GMPR: variants seen among roughly 807,000 people sequenced by gnomAD.
The protein encoded by GMPR is guanosine monophosphate reductase.
In GMPR, 31 loss-of-function variants were observed where a neutral mutation model predicts 38.4. That is an observed-to-expected ratio of 0.81 (90% CI 0.61 to 1.09). GMPR has a LOEUF of 1.09. Ranked by LOEUF, GMPR falls within the 50% of genes least tolerant of loss-of-function variation. The pLI is 0.00. For synonymous variants in GMPR, 162 were observed against 173.3 expected, an observed-to-expected ratio of 0.93 and a Z score of 0.51; for missense variants, 468 against 453.7, an observed-to-expected ratio of 1.03 and a Z score of -0.29.
chr6:16,240,858 G>A (rs532692358), intron 1 of GMPR, among the ~76,000 whole-genome samples: 4 of 152,168 alleles, frequency 2.6e-5, no homozygotes, highest in South Asian at 2.1e-4. Context: ...TGCCAGCCAC[G>A]GGCCTGGAGA....
chr6:16,268,692 T>TC (rs1258072316), intron 4 of GMPR, among the ~76,000 whole-genome samples: 1 of 152,310 alleles, frequency 6.6e-6, no homozygotes, highest in Admixed American at 6.5e-5. Flanking sequence ...AAAGGATTTT[T>TC]CTTGCAAGAG....
intron 4 of GMPR, chr6:16,262,938 G>T (rs373221547): frequency 6.6e-6 from 1 of 152,032 alleles, no homozygotes; most frequent in African/African-American, 2.4e-5. Flanking sequence ...GTCACGGAAC[G>T]AAACTGTAAG....
At chr6:16,270,337 G>C (rs1427027510) in intron 4 of GMPR, among the ~76,000 whole-genome samples, 1 of 152,140 alleles carries the variant, frequency 6.6e-6, no homozygotes, top group Non-Finnish European at 1.5e-5. Context: ...CTTCCATGTT[G>C]TCATGGCTGC....
Position 16,295,240 on chromosome 6 carries a change from C to G in GMPR, c.*54C>G. ...AGTGGAAGCGTCCAAACCTGCTTTT[C>G]CCATCTCCCCCCAAGTCTGTTCCGT... On this transcript the variant is annotated 3_prime_UTR_variant, in exon 9 of 9. Transcript: ENST00000259727. The G allele has an allele frequency of 7.8e-7, 1 of 1,289,544 alleles. No homozygotes were observed. Among genetic ancestry groups the G allele is most frequent in the South Asian group, 1.6e-5 (1 of 62,790 alleles). The allele number at this position is 1,289,544 out of a possible 1,614,324, so 79.9% of individuals were successfully genotyped here. A position where few individuals can be genotyped will look rare whatever the true frequency, so the allele number is the denominator to read the frequency against.
chr6:16,266,918 G>GT (rs1435363077), intron 4 of GMPR, among the ~76,000 whole-genome samples: 2 of 152,112 alleles, frequency 1.3e-5, no homozygotes, highest in African/African-American at 4.8e-5. Context: ...TTTAAGAGCT[G>GT]TAACACTCAC....
chr6:16,268,195 G>GTTCTCAGTTTATTATGT (rs1355272841), intron 4 of GMPR, among the ~76,000 whole-genome samples: 1 of 152,216 alleles, frequency 6.6e-6, no homozygotes, highest in African/African-American at 2.4e-5. Context: ...TGTTCTCTCT[G>GTTCTCAGTTTATTATGT]AAGAGTCACA....
intron 4 of GMPR, among the ~76,000 whole-genome samples, chr6:16,269,613 T>C (rs901053329): frequency 3.3e-5 from 5 of 152,076 alleles, no homozygotes; most frequent in Non-Finnish European, 5.9e-5. Context: ...CTGGCCAACA[T>C]GGAGAAACCC....
At chr6:16,288,604 C>T (rs951983487) in intron 7 of GMPR, among the ~76,000 whole-genome samples, 7 of 152,222 alleles carry the variant, frequency 4.6e-5, no homozygotes, top group African/African-American at 7.2e-5. Flanking sequence ...CTCCAAGGCC[C>T]CCAGTCCCGT....
At chr6:16,294,884 G>A (rs1176975272) in intron 8 of GMPR, 122 bp from the exon 9 acceptor site, 1 of 708,260 alleles carries the variant, frequency 1.4e-6, no homozygotes, top group Admixed American at 2.7e-5. Context: ...GTCAGAGGGT[G>A]GGGTCTGGTT....
chr6:16,251,781 A>G (rs892592824), intron 3 of GMPR, among the ~76,000 whole-genome samples: 3 of 152,184 alleles, frequency 2.0e-5, no homozygotes, highest in Non-Finnish European at 2.9e-5. Context: ...AGAACTCTAA[A>G]TATACTAAAA....
chr6:16,266,711 T>G (rs1166164008), intron 4 of GMPR, among the ~76,000 whole-genome samples: 1 of 150,174 alleles, frequency 6.7e-6, no homozygotes, highest in African/African-American at 2.4e-5. Flanking sequence ...CTCGGGAGGC[T>G]GAGGCAGGAG....
intron 1 of GMPR, among the ~76,000 whole-genome samples, chr6:16,245,964 C>T (rs1758743420): frequency 6.6e-6 from 1 of 152,236 alleles, no homozygotes; most frequent in South Asian, 2.1e-4. Flanking sequence ...TCCAGTTTCC[C>T]ACCCAGTGTC....
intron 1 of GMPR, among the ~76,000 whole-genome samples, chr6:16,244,645 G>A (rs1758722715): frequency 6.6e-6 from 1 of 152,116 alleles, no homozygotes. Flanking sequence ...TTCAGGTCAG[G>A]CTTAGACAGG....
intron 4 of GMPR, 84 bp downstream of exon 4, chr6:16,254,819 A>G: frequency 3.1e-6 from 3 of 966,444 alleles, no homozygotes; most frequent in East Asian, 2.4e-5. Context: ...GGGGAGCTGT[A>G]TCCTCTTCAG....
intron 4 of GMPR, among the ~76,000 whole-genome samples, chr6:16,259,562 CG>C (rs1190167004): frequency 1.3e-5 from 2 of 151,658 alleles, no homozygotes; most frequent in African/African-American, 4.8e-5. Flanking sequence ...GGATTAGGGG[CG>C]GCGTGGTAAC....
chr6:16,249,615 G>A lies in GMPR; in HGVS notation c.208-669G>A, dbSNP rs563339818. 7.9e-5 allele frequency among the ~76,000 whole-genome samples: 12 copies of A among 152,304 alleles called. No individual in the cohort carries two copies. In the East Asian group the frequency reaches 2.3e-3, roughly 29 times the overall value. On this transcript the variant is annotated intron_variant, in intron 2 of 8. Coordinates refer to ENST00000259727, the MANE Select transcript of GMPR (RefSeq NM_006877.4). Reference sequence around the variant, plus strand: ...TGGGATTACAGGCGTAAGCCACCATGCCTGGGCAACTTAAACTGCTTAAGC... The same window carrying A: ...TGGGATTACAGGCGTAAGCCACCATACCTGGGCAACTTAAACTGCTTAAGC...
In GMPR at chr6:16,250,475, T is replaced by C. The variant is rs921088127; in HGVS notation, c.291+108T>C. ...TAGCAGAGAGACATTGAGAGTTCGG[T>C]GTTTCTCTAGCCCTGTGCCATTGCC... is the stretch of plus-strand genomic sequence containing the variant. On this transcript the variant is annotated intron_variant, in intron 3 of 8. Coordinates refer to ENST00000259727, the MANE Select transcript of GMPR (RefSeq NM_006877.4). 5.4e-6 allele frequency: 4 copies of C among 746,356 alleles called. No individual in the cohort carries two copies. The African/African-American group carries it at 6.8e-5, about 13-fold the overall frequency. The allele number at this position is 746,356 out of a possible 1,614,324, so 46.2% of individuals were successfully genotyped here.
intron 6 of GMPR, among the ~76,000 whole-genome samples, chr6:16,285,213 G>A (rs1187286096): frequency 1.3e-5 from 2 of 152,212 alleles, no homozygotes; most frequent in African/African-American, 2.4e-5. Flanking sequence ...CATGGGCAGT[G>A]TGGGTGGAAA....
intron 2 of GMPR, among the ~76,000 whole-genome samples, 160 bp downstream of exon 2, chr6:16,247,121 T>C (rs2113669426): frequency 6.6e-6 from 1 of 152,304 alleles, no homozygotes; most frequent in East Asian, 1.9e-4. Context: ...GGACGGTGTC[T>C]GGACTTTGGG....
Sources: gnomAD v4.1 joint callset for allele counts (sites outside exome capture counted in the v4.1 genomes callset) on GRCh38, gnomAD v4.1.1 for gene constraint, MANE v1.5 for transcripts, NCBI Gene and HGNC (gene_info 2026-07-23, HGNC 2026-07-21) for gene names.